The following C1D variants were observed in gnomAD, a reference collection of about 807,000 sequenced individuals.
C1D encodes the protein C1D nuclear receptor corepressor.
A neutral mutation model predicts 17.5 loss-of-function variants in C1D; 10 were observed. The ratio of observed to expected loss-of-function variants is 0.57; its 90% CI spans 0.35 to 0.97. The LOEUF (loss-of-function observed/expected upper bound fraction) is 0.97. Among genes scored for constraint, C1D ranks in the 50% least tolerant of loss-of-function variants. The pLI is 0.01. For synonymous variants in C1D, 49 were observed against 54.0 expected (o/e 0.91, Z 0.40); for missense variants, 136 against 160.1 (o/e 0.85, Z 0.81).
intron 1 of C1D, chr2:68,053,227 T>C (rs1451108352): frequency 1.3e-6 from 2 of 1,545,260 alleles, no homozygotes; most frequent in Middle Eastern, 1.7e-4. Context: ...AGTACCTGGG[T>C]TGCGGGGATG....
At chr2:68,049,706 T>TA (rs1671229030) in intron 1 of C1D, among the ~76,000 whole-genome samples, 1 of 152,170 alleles carries the variant, frequency 6.6e-6, no homozygotes, top group African/African-American at 2.4e-5. Context: ...ACCTTTTTCA[T>TA]AACATACACA....
rs376177507 is a variant in C1D at position 68,049,087 on chromosome 2, C to T, written c.-9-1768G>A. ...TGGCGCACGCCTGTAATCCCAGCTACTTGGGAGTCTGAGGCAGGAGAACTG... is the reference window on the plus strand; with the variant it reads ...TGGCGCACGCCTGTAATCCCAGCTATTTGGGAGTCTGAGGCAGGAGAACTG... On this transcript the variant is annotated intron_variant, in intron 1 of 4. Transcript: ENST00000410067. 1.5e-4 allele frequency among the ~76,000 whole-genome samples: 23 copies of T among 152,022 alleles called. No homozygotes were observed. The East Asian group carries it at 2.9e-3, about 19-fold the overall frequency.
chr2:68,049,971 A>C (rs1671235851), intron 1 of C1D, among the ~76,000 whole-genome samples: 1 of 152,248 alleles, frequency 6.6e-6, no homozygotes, highest in Admixed American at 6.5e-5. Context: ...GTTCCTAGAA[A>C]GCAGTAAAAC....
At chr2:68,050,485 C>A (rs1671249232) in intron 1 of C1D, among the ~76,000 whole-genome samples, 1 of 152,176 alleles carries the variant, frequency 6.6e-6, no homozygotes, top group Non-Finnish European at 1.5e-5. Flanking sequence ...TTGGCAAGGT[C>A]ACCCACACTA....
chr2:68,048,952 T>C (rs900602568), intron 1 of C1D, among the ~76,000 whole-genome samples: 1 of 152,042 alleles, frequency 6.6e-6, no homozygotes, highest in African/African-American at 2.4e-5. Flanking sequence ...TCCCAGCACT[T>C]TTGGGAGGCA....
chr2:68,058,275 T>G (rs751656325), intron 1 of C1D, among the ~76,000 whole-genome samples: 4 of 152,260 alleles, frequency 2.6e-5, no homozygotes, highest in Non-Finnish European at 4.4e-5. Flanking sequence ...AAAACTTGCC[T>G]GCTCTGCACT....
intron 1 of C1D, among the ~76,000 whole-genome samples, chr2:68,061,266 T>C (rs1293227009): frequency 6.6e-6 from 1 of 152,200 alleles, no homozygotes; most frequent in African/African-American, 2.4e-5. Flanking sequence ...AATATTGCTG[T>C]CTTGGGCAAA....
In C1D at chr2:68,042,662, T is replaced by G; in HGVS notation, c.*227A>C. 1 of 286,570 alleles carries G rather than the reference T, an allele frequency of 3.5e-6. No homozygotes were observed. The highest frequency in any genetic ancestry group is 6.8e-6 in the Non-Finnish European group (1 of 147,264). 17.8% of individuals were successfully genotyped at this position (286,570 alleles called of 1,614,324 possible). On this transcript the variant is annotated 3_prime_UTR_variant, in exon 5 of 5. Coordinates refer to ENST00000410067, the MANE Select transcript of C1D (RefSeq NM_173177.3). ...AAGAAATAAGAGTCTCATCAAGAGA[T>G]GGTAAATTATAAATATATAATATAT...
intron 4 of C1D, among the ~76,000 whole-genome samples, chr2:68,044,478 G>A (rs191987453): frequency 1.6e-4 from 24 of 152,356 alleles, no homozygotes; most frequent in African/African-American, 5.0e-4. Flanking sequence ...GGAGGCCGAG[G>A]CGGGCAGATC....
chr2:68,046,949 T>C (rs1572880165), intron 2 of C1D, among the ~76,000 whole-genome samples: 1 of 81,870 alleles, frequency 1.2e-5, no homozygotes, highest in Admixed American at 9.7e-5. Context: ...TGAGTGCTCC[T>C]TTTTTTTTCC....
At chr2:68,059,782 T>C (rs936352752) in intron 1 of C1D, among the ~76,000 whole-genome samples, 11 of 151,824 alleles carry the variant, frequency 7.2e-5, no homozygotes, top group African/African-American at 2.4e-4. Flanking sequence ...TTTCCCAACT[T>C]GTTAAAATGC....
chr2:68,050,540 G>C lies in C1D; in HGVS notation c.-9-3221C>G, dbSNP rs146069199. 3.1e-3 allele frequency among the ~76,000 whole-genome samples: 475 copies of C among 152,258 alleles called. 7 individuals carry two copies. Among genetic ancestry groups the C allele is most frequent in the African/African-American group, 0.011 (459 of 41,536 alleles). On this transcript the variant is annotated intron_variant, in intron 1 of 4. Coordinates refer to ENST00000410067, the MANE Select transcript of C1D (RefSeq NM_173177.3). ...GGTCAATTCTCAGTTCTCCTTGAGT[G>C]ACACTGTTGACTGCCTTCTCTTGGT...
At chr2:68,057,137 T>A (rs1671462268) in intron 1 of C1D, among the ~76,000 whole-genome samples, 1 of 152,160 alleles carries the variant, frequency 6.6e-6, no homozygotes, top group South Asian at 2.1e-4. Context: ...GAACAGCATG[T>A]ATAATACATC....
chr2:68,044,289 G>A (rs554550279), intron 4 of C1D, among the ~76,000 whole-genome samples: 39 of 152,320 alleles, frequency 2.6e-4, no homozygotes, highest in Admixed American at 1.2e-3. Context: ...TCTCTCACTT[G>A]GAAATAATGC....
intron 1 of C1D, among the ~76,000 whole-genome samples, chr2:68,051,760 C>T (rs1671289622): frequency 6.6e-6 from 1 of 151,824 alleles, no homozygotes; most frequent in Non-Finnish European, 1.5e-5. Context: ...ATGTTACCTT[C>T]ACCAGATCTC....
Position 68,042,728 on chromosome 2 carries a change from G to A in C1D, c.*161C>T. The A allele has an allele frequency of 2.0e-6, 1 of 494,922 alleles. No homozygotes were observed. Among genetic ancestry groups the A allele is most frequent in the Non-Finnish European group, 3.7e-6 (1 of 266,992 alleles). 30.7% of individuals were successfully genotyped at this position (494,922 alleles called of 1,614,324 possible). On this transcript the variant is annotated 3_prime_UTR_variant, in exon 5 of 5. Coordinates refer to ENST00000410067, the MANE Select transcript of C1D (RefSeq NM_173177.3). Reference sequence around the variant, plus strand: ...CTCAGTGCTAATCAATAAAGATAATGATCTTTGGAGAGGAAAGTATTTAGC... The same window carrying A: ...CTCAGTGCTAATCAATAAAGATAATAATCTTTGGAGAGGAAAGTATTTAGC...
intron 1 of C1D, among the ~76,000 whole-genome samples, chr2:68,049,788 C>G (rs1279720566): frequency 2.6e-5 from 4 of 152,258 alleles, no homozygotes; most frequent in African/African-American, 7.2e-5. Context: ...TTTACATCAT[C>G]TAAATGAAAC....
Position 68,047,321 on chromosome 2 carries a change from T to C in C1D, c.-9-2A>G. 2 of 1,593,726 alleles carry C rather than the reference T, an allele frequency of 1.3e-6. No individual in the cohort carries two copies. Among genetic ancestry groups the C allele is most frequent in the South Asian group, 2.3e-5 (2 of 86,268 alleles). On this transcript the variant is annotated splice_acceptor_variant, in intron 1 of 4. Coordinates refer to ENST00000410067, the MANE Select transcript of C1D (RefSeq NM_173177.3). LOFTEE classifies it low-confidence loss of function (5UTR_SPLICE). ...TTCTTCACCTGCCATTATGGCTGAC[T>C]GGAAAAAATTAAATTCTTTGAATTC...
At chr2:68,045,390 T>C (rs1671090536) in intron 4 of C1D, among the ~76,000 whole-genome samples, 3 of 152,220 alleles carry the variant, frequency 2.0e-5, no homozygotes, top group South Asian at 4.1e-4. Context: ...ATTTAATTTT[T>C]GAAGTCAGCA....
Sources: gnomAD v4.1 joint callset for allele counts (sites outside exome capture counted in the v4.1 genomes callset) on GRCh38, gnomAD v4.1.1 for gene constraint, MANE v1.5 for transcripts, NCBI Gene and HGNC (gene_info 2026-07-23, HGNC 2026-07-21) for gene names.